PACRG: variants seen among roughly 807,000 people sequenced by gnomAD.
PACRG encodes the protein parkin coregulated, also known as parkin coregulated gene protein.
Under a neutral mutation model 29.7 loss-of-function variants are expected in PACRG, and 29 were observed. The ratio of observed to expected loss-of-function variants is 0.98; its 90% confidence interval spans 0.73 to 1.33. The LOEUF (loss-of-function observed/expected upper bound fraction) is 1.33. Ranked by LOEUF, PACRG falls within the 40% of genes most tolerant of loss-of-function variation. The pLI is 0.00. For synonymous variants in PACRG, 116 were observed against 118.7 expected (o/e 0.98, Z 0.15); for missense variants, 279 against 316.2 (o/e 0.88, Z 0.89).
intron 2 of PACRG, among the ~76,000 whole-genome samples, chr6:163,001,646 T>G (rs1804601337): frequency 6.6e-6 from 1 of 152,148 alleles, no homozygotes; most frequent in Non-Finnish European, 1.5e-5. Context: ...ACGGTATAAT[T>G]GTTACTTTAG....
chr6:162,925,462 T>G (rs1288595033), intron 2 of PACRG, among the ~76,000 whole-genome samples: 1 of 152,136 alleles, frequency 6.6e-6, no homozygotes, highest in South Asian at 2.1e-4. Flanking sequence ...AAAGCTTATC[T>G]ACCACGATCA....
rs1783703705 is a variant in PACRG at position 162,777,052 on chromosome 6, C to T, written c.157-37095C>T. On this transcript the variant is annotated intron_variant, in intron 1 of 4. Coordinates refer to ENST00000366888, the MANE Select transcript of PACRG (RefSeq NM_001080379.2). The surrounding 1 kb of genome is among the most constrained non-coding windows in gnomAD (Gnocchi z 4.0). ...TAAAGAACTTATTCATGTAACCAAA[C>T]ACCACCTGCTCCCTAAAAACCTATT... Among the ~76,000 whole-genome samples, 1 of 152,166 alleles carries T rather than the reference C, an allele frequency of 6.6e-6. No individual in the cohort carries two copies. Among genetic ancestry groups the T allele is most frequent in the Non-Finnish European group, 1.5e-5 (1 of 68,026 alleles).
At chr6:163,107,629 C>T (rs763048255) in intron 4 of PACRG, among the ~76,000 whole-genome samples, 4 of 152,140 alleles carry the variant, frequency 2.6e-5, no homozygotes, top group African/African-American at 4.8e-5. Flanking sequence ...CTGTCTGGAC[C>T]GGGCCTCTCT....
At chr6:162,775,008 A>C (rs1250337788) in intron 1 of PACRG, among the ~76,000 whole-genome samples, 1 of 152,132 alleles carries the variant, frequency 6.6e-6, no homozygotes, top group African/African-American at 2.4e-5. Flanking sequence ...TCCCCATCAC[A>C]ATCCTAACCC....
At chr6:162,945,994 A>G (rs998311238) in intron 2 of PACRG, among the ~76,000 whole-genome samples, 2 of 152,130 alleles carry the variant, frequency 1.3e-5, no homozygotes, top group African/African-American at 4.8e-5. Context: ...ACCAAAAGCT[A>G]TGGGATACAG....
At chr6:163,244,664 T>C (rs1381245795) in intron 4 of PACRG, among the ~76,000 whole-genome samples, 1 of 152,208 alleles carries the variant, frequency 6.6e-6, no homozygotes, top group Non-Finnish European at 1.5e-5. Context: ...CAGGATTCCA[T>C]GAAACATTGC....
chr6:162,804,088 C>T (rs1372771333), intron 1 of PACRG, among the ~76,000 whole-genome samples: 2 of 151,900 alleles, frequency 1.3e-5, no homozygotes, highest in East Asian at 3.9e-4. Flanking sequence ...ATGGAAAGGA[C>T]ATAAAAATGT....
At chr6:162,876,199 T>C (rs1793335889) in intron 2 of PACRG, among the ~76,000 whole-genome samples, 2 of 152,150 alleles carry the variant, frequency 1.3e-5, no homozygotes, top group Admixed American at 1.3e-4. Context: ...TGGAACCTCA[T>C]TGTAGGTGGA....
intron 2 of PACRG, among the ~76,000 whole-genome samples, chr6:162,896,126 C>T (rs1795146758): frequency 6.6e-6 from 1 of 152,174 alleles, no homozygotes; most frequent in African/African-American, 2.4e-5. Flanking sequence ...CTTCCTCAGC[C>T]CTGAGAGGGG....
intron 3 of PACRG, among the ~76,000 whole-genome samples, chr6:163,077,701 T>C (rs892314580): frequency 1.3e-5 from 2 of 152,218 alleles, no homozygotes; most frequent in Non-Finnish European, 2.9e-5. Flanking sequence ...TTTTTAATTT[T>C]GGAAAAACAA....
intron 1 of PACRG, among the ~76,000 whole-genome samples, chr6:162,747,906 A>C (rs989710599): frequency 6.6e-5 from 10 of 152,150 alleles, no homozygotes; most frequent in African/African-American, 2.2e-4. Context: ...ACCTGGGCTA[A>C]CATCATATTT....
chr6:162,849,120 A>T (rs759002862), intron 2 of PACRG, among the ~76,000 whole-genome samples: 1 of 152,230 alleles, frequency 6.6e-6, no homozygotes, highest in Non-Finnish European at 1.5e-5. Context: ...ACACGAAAAG[A>T]CCAAAGAAGT....
At chr6:162,730,370 G>A (rs1779667808) in intron 1 of PACRG, among the ~76,000 whole-genome samples, 1 of 152,068 alleles carries the variant, frequency 6.6e-6, no homozygotes, top group Admixed American at 6.6e-5. Context: ...TTCAGGACGT[G>A]TATGCCAATT....
chr6:163,201,412 A>G (rs1189937400), intron 4 of PACRG, among the ~76,000 whole-genome samples: 3 of 152,216 alleles, frequency 2.0e-5, no homozygotes, highest in Admixed American at 6.5e-5. Context: ...AGAGTCATAA[A>G]GAGATTCGGG....
chr6:163,145,121 C>T (rs1270104866), intron 4 of PACRG, among the ~76,000 whole-genome samples: 1 of 152,228 alleles, frequency 6.6e-6, no homozygotes, highest in Non-Finnish European at 1.5e-5. Context: ...GTGAAAACAG[C>T]CCAGAGTCTG....
At chr6:163,286,242 C>G (rs1784398043) in intron 4 of PACRG, among the ~76,000 whole-genome samples, 1 of 152,134 alleles carries the variant, frequency 6.6e-6, no homozygotes, top group African/African-American at 2.4e-5. Flanking sequence ...GAAAGTAAAA[C>G]TGGCGTGAGT....
chr6:162,782,251 A>G (rs971150837), intron 1 of PACRG, among the ~76,000 whole-genome samples: 1 of 151,970 alleles, frequency 6.6e-6, no homozygotes, highest in South Asian at 2.1e-4. Context: ...ACACAATTTC[A>G]TGGGGAAATA....
At chr6:162,877,191 C>T (rs1278000735) in intron 2 of PACRG, among the ~76,000 whole-genome samples, 1 of 152,116 alleles carries the variant, frequency 6.6e-6, no homozygotes, top group Non-Finnish European at 1.5e-5. Context: ...AACCCAACTG[C>T]CCATCAGCGA....
At chr6:163,042,063 C>G (rs1808782303) in intron 2 of PACRG, among the ~76,000 whole-genome samples, 1 of 152,154 alleles carries the variant, frequency 6.6e-6, no homozygotes, top group Non-Finnish European at 1.5e-5. Context: ...CGGGGTTTCT[C>G]CATGTTGGTC....
Sources: allele counts gnomAD v4.1 joint callset (sites outside exome capture counted in the v4.1 genomes callset), GRCh38; gene constraint gnomAD v4.1.1; non-coding constraint Gnocchi (gnomAD v3.1); transcripts MANE v1.5; gene names NCBI Gene and HGNC (gene_info 2026-07-23, HGNC 2026-07-21).